LRRC7: variants seen among roughly 807,000 people sequenced by gnomAD.
LRRC7 encodes leucine rich repeat containing 7.
Under a neutral mutation model 175.7 loss-of-function variants are expected in LRRC7, and 23 were observed. The ratio of observed to expected loss-of-function variants is 0.13; its 90% CI spans 0.09 to 0.19. The LOEUF (loss-of-function observed/expected upper bound fraction) is 0.19, where lower values mean the gene tolerates loss of function less well. LRRC7 is among the 10% of genes least tolerant of loss of function. The pLI, the probability that LRRC7 is intolerant of heterozygous loss-of-function variation, is 1.00. For missense variants in LRRC7, 1,354 were observed against 1,904.7 expected, an observed-to-expected ratio of 0.71 and a Z score of 5.38; for synonymous variants, 685 against 680.9, an observed-to-expected ratio of 1.01 and a Z score of -0.09.
intron 2 of LRRC7, among the ~76,000 whole-genome samples, chr1:69,708,948 C>T (rs1256973665): frequency 6.6e-6 from 1 of 152,178 alleles, no homozygotes; most frequent in African/African-American, 2.4e-5. Context: ...CAACCAACAT[C>T]ACTGGTATAT....
chr1:69,875,253 T>C (rs1175928845), intron 7 of LRRC7, among the ~76,000 whole-genome samples: 1 of 152,044 alleles, frequency 6.6e-6, no homozygotes, highest in Non-Finnish European at 1.5e-5. Flanking sequence ...TTAAAAATCT[T>C]ATACAGCAGC....
At chr1:69,625,885 GTA>G (rs1371654543) in intron 1 of LRRC7, among the ~76,000 whole-genome samples, 11 of 152,030 alleles carry the variant, frequency 7.2e-5, no homozygotes, top group Non-Finnish European at 4.4e-5. Context: ...TGTTCCATGT[GTA>G]TTTGAATACA....
At position 70,142,271 on chromosome 1, in the gene LRRC7, T is replaced by C. The variant is rs1367315741; in HGVS notation, c.*20384T>C. On this transcript the variant is annotated 3_prime_UTR_variant, in exon 27 of 27. Transcript: ENST00000651989. The stretch of plus-strand genomic sequence containing the variant: ...TGGTTCAGGTCAGTAAGGACTGTTG[T>C]ATGTAAGTTTTACTCTAGAAAATTT... 1 of 152,126 alleles carries C rather than the reference T, an allele frequency of 6.6e-6. No homozygotes were observed. The highest frequency in any genetic ancestry group is 2.1e-4 in the South Asian group (1 of 4,834). The allele number at this position is 152,126 out of a possible 1,614,324, so 9.4% of individuals were successfully genotyped here. A position where few individuals can be genotyped will look rare whatever the true frequency, so the allele number is the denominator to read the frequency against.
chr1:69,791,005 G>A (rs570283823), intron 3 of LRRC7, among the ~76,000 whole-genome samples: 2 of 152,022 alleles, frequency 1.3e-5, no homozygotes, highest in Admixed American at 6.6e-5. Flanking sequence ...TGTAAATAAC[G>A]AATTACATGG....
intron 7 of LRRC7, among the ~76,000 whole-genome samples, chr1:69,871,090 A>C (rs1318959160): frequency 6.6e-6 from 1 of 152,116 alleles, no homozygotes; most frequent in Non-Finnish European, 1.5e-5. Context: ...ATGATGCATA[A>C]ATTGGGAAAG....
chr1:69,938,606 C>A (rs1056479473), intron 8 of LRRC7, among the ~76,000 whole-genome samples: 1 of 151,972 alleles, frequency 6.6e-6, no homozygotes, highest in African/African-American at 2.4e-5. Flanking sequence ...CAGTCGAGTA[C>A]TTATGCTAAT....
intron 2 of LRRC7, among the ~76,000 whole-genome samples, chr1:69,718,148 G>GAAAGAAAGAAAGAAAGAAAA (rs1557643523): frequency 1.4e-5 from 2 of 141,988 alleles, no homozygotes; most frequent in Non-Finnish European, 3.1e-5. Flanking sequence ...GAGAGAGAAA[G>GAAAGAAAGAAAGAAAGAAAA]AAAGAAAGAA....
chr1:69,588,985 C>CTGTGTGTG (rs138325158), intron 1 of LRRC7, among the ~76,000 whole-genome samples: 5,490 of 131,114 alleles, frequency 0.042, 330 homozygotes, highest in African/African-American at 0.14. Context: ...CTGCTGGGGT[C>CTGTGTGTG]TGTGTGTGTG....
chr1:69,681,103 G>A (rs1198476325), intron 2 of LRRC7, among the ~76,000 whole-genome samples: 4 of 150,772 alleles, frequency 2.7e-5, no homozygotes, highest in Non-Finnish European at 3.0e-5. Context: ...CAAAGAAGAG[G>A]TTCTAAATAA....
At position 70,136,473 on chromosome 1, in the gene LRRC7, A is replaced by G. The variant is rs913619637; in HGVS notation, c.*14586A>G. 6.6e-5 allele frequency among the ~76,000 whole-genome samples: 10 copies of G among 152,102 alleles called. No homozygotes were observed. The highest frequency in any genetic ancestry group is 2.2e-4 in the African/African-American group (9 of 41,414). ...TTGCCTTTTTCTCACTGTGCATTCA[A>G]TTTAATCAACAAATGTTAATGAACA... On this transcript the variant is annotated 3_prime_UTR_variant, in exon 27 of 27. Coordinates refer to ENST00000651989, the MANE Select transcript of LRRC7 (RefSeq NM_001370785.2).
At chr1:69,858,335 T>C (rs1462152133) in intron 7 of LRRC7, among the ~76,000 whole-genome samples, 2 of 152,050 alleles carry the variant, frequency 1.3e-5, no homozygotes, top group East Asian at 1.9e-4. Context: ...ACCTACAGAA[T>C]GGAAGAAAAT....
In LRRC7 at chr1:69,760,226, A is replaced by G; in HGVS notation, c.136A>G (p.Ile46Val). ...CLEMTTKRKI[I>V]GRLVPCRCFR... ...GGAGATGACCACCAAACGGAAAATCATCGGCCGTCTGGTGCCATGCCGATG... is the reference window on the plus strand; with the variant it reads ...GGAGATGACCACCAAACGGAAAATCGTCGGCCGTCTGGTGCCATGCCGATG... The change falls in exon 3 of 27, where the codon ATC becomes GTC. Residue 46 changes from isoleucine (I) to valine (V), a missense_variant. Ile to Val is a conservative substitution (Grantham distance 29). This residue lies in a region of LRRC7 where 68 missense variants were observed against 83.4 expected (regional missense o/e 0.82). Coordinates refer to ENST00000651989, the MANE Select transcript of LRRC7 (RefSeq NM_001370785.2). The G allele has an allele frequency of 6.2e-7, 1 of 1,612,826 alleles. No individual in the cohort carries two copies. The highest frequency in any genetic ancestry group is 8.5e-7 in the Non-Finnish European group (1 of 1,179,258).
rs1320921895 is a variant in LRRC7, at chr1:70,129,107, C to A, written c.*7220C>A. Among the ~76,000 whole-genome samples, 1 of 151,984 alleles carries A rather than the reference C, an allele frequency of 6.6e-6. No individual in the cohort carries two copies. Among genetic ancestry groups the A allele is most frequent in the African/African-American group, 2.4e-5 (1 of 41,366 alleles). ...CTAAAAATATGAAAAATTAGCCGGG[C>A]ATTGTGGCGCGCACCTGTAATCCTA... On this transcript the variant is annotated 3_prime_UTR_variant, in exon 27 of 27. Transcript: ENST00000651989.
intron 3 of LRRC7, among the ~76,000 whole-genome samples, chr1:69,781,769 GAA>G (rs1673649826): frequency 2.1e-5 from 1 of 47,100 alleles, no homozygotes. Flanking sequence ...GAGAGAGAAA[GAA>G]AGAAAGAAAG....
At chr1:70,049,764 A>G (rs1558026335) in intron 22 of LRRC7, among the ~76,000 whole-genome samples, 1 of 152,018 alleles carries the variant, frequency 6.6e-6, no homozygotes, top group Non-Finnish European at 1.5e-5. Context: ...CCTTTGTAAT[A>G]CCTATTTTTT....
At chr1:70,036,018 T>C in intron 18 of LRRC7, 103 bp from the exon 19 acceptor site, 1 of 794,666 alleles carries the variant, frequency 1.3e-6, no homozygotes, top group Non-Finnish European at 2.0e-6. Flanking sequence ...AACTGAATTC[T>C]AGAGTCACAT....
chr1:69,587,557 C>T (rs1042724037), intron 1 of LRRC7, among the ~76,000 whole-genome samples: 1 of 152,186 alleles, frequency 6.6e-6, no homozygotes, highest in African/African-American at 2.4e-5. Context: ...GTTCTGCTCT[C>T]ACCCTCTGAT....
chr1:69,764,532 A>G (rs540063798), intron 3 of LRRC7, among the ~76,000 whole-genome samples: 1 of 152,100 alleles, frequency 6.6e-6, no homozygotes, highest in South Asian at 2.1e-4. Context: ...AAAGTTTACA[A>G]CCCACTCCAA....
At chr1:70,048,007 C>G (rs1444412310) in intron 22 of LRRC7, among the ~76,000 whole-genome samples, 3 of 151,772 alleles carry the variant, frequency 2.0e-5, no homozygotes, top group African/African-American at 4.8e-5. Flanking sequence ...ATTCATCTAT[C>G]ATTTATTTAC....
Sources: allele counts gnomAD v4.1 joint callset (sites outside exome capture counted in the v4.1 genomes callset), GRCh38; gene constraint gnomAD v4.1.1; regional missense constraint gnomAD v4.1.1; transcripts MANE v1.5; gene names NCBI Gene and HGNC (gene_info 2026-07-23, HGNC 2026-07-21).